FAF1: variants seen among roughly 807,000 people sequenced by gnomAD.
The protein encoded by FAF1 is Fas associated factor 1, also known as FAS-associated factor 1.
FAF1 carries 25 observed loss-of-function variants against 92.5 expected under a neutral mutation model. That is an observed-to-expected ratio of 0.27 (90% CI 0.20 to 0.38). The LOEUF (loss-of-function observed/expected upper bound fraction) is 0.38, where lower values mean the gene tolerates loss of function less well. FAF1 is among the 10% of genes least tolerant of loss of function. The pLI, the probability that FAF1 is intolerant of heterozygous loss-of-function variation, is 1.00. For missense variants in FAF1, 636 were observed against 793.3 expected (o/e 0.80, Z 2.38); for synonymous variants, 234 against 273.2 (o/e 0.86, Z 1.42).
intron 15 of FAF1, among the ~76,000 whole-genome samples, chr1:50,526,427 C>A (rs1383608662): frequency 6.6e-6 from 1 of 151,396 alleles, no homozygotes; most frequent in African/African-American, 2.4e-5. Flanking sequence ...GAGACCCCAT[C>A]TCTATTAAAA....
chr1:50,676,219 C>T (rs2124353078), intron 7 of FAF1, among the ~76,000 whole-genome samples: 1 of 151,956 alleles, frequency 6.6e-6, no homozygotes, highest in Middle Eastern at 3.4e-3. Context: ...CCAGCTTGGA[C>T]AACCTGGTGA....
chr1:50,499,431 A>G (rs1572787875), intron 15 of FAF1, among the ~76,000 whole-genome samples: 1 of 132,108 alleles, frequency 7.6e-6, no homozygotes. Flanking sequence ...CTCGATTCCT[A>G]TTTTACTGGA....
intron 1 of FAF1, among the ~76,000 whole-genome samples, chr1:50,872,064 C>CAAA (rs200142842): frequency 6.1e-5 from 4 of 65,526 alleles, no homozygotes; most frequent in African/African-American, 1.6e-4. Flanking sequence ...GACTCCATCT[C>CAAA]AAAAAAAAAA....
At chr1:50,756,295 G>A (rs892646674) in intron 4 of FAF1, among the ~76,000 whole-genome samples, 1 of 149,602 alleles carries the variant, frequency 6.7e-6, no homozygotes, top group Non-Finnish European at 1.5e-5. Context: ...CAAATCTCTA[G>A]GGCAGAGGCA....
chr1:50,457,243 G>A (rs915011992), intron 18 of FAF1, among the ~76,000 whole-genome samples: 3 of 152,042 alleles, frequency 2.0e-5, no homozygotes, highest in Non-Finnish European at 4.4e-5. Context: ...AAACCTGAAG[G>A]CTTGAGGTCC....
chr1:50,895,570 AAACAAAT>A (rs1230639046), intron 1 of FAF1, among the ~76,000 whole-genome samples: 1 of 152,078 alleles, frequency 6.6e-6, no homozygotes, highest in Non-Finnish European at 1.5e-5. Context: ...CAAAAAACAA[AAACAAAT>A]AACAAACAAA....
rs375003896 is a variant in FAF1 at position 50,655,469 on chromosome 1, G to C, written c.717C>G (p.Gly239=). 7 of 1,613,512 alleles carry C rather than the reference G, an allele frequency of 4.3e-6. No individual in the cohort carries two copies. The African/African-American group carries it at 5.3e-5, about 12-fold the overall frequency. Residue 239 remains glycine (G), a synonymous_variant, in exon 8 of 19, where the codon GGC becomes GGG. Transcript: ENST00000396153. ...AGTCGTCTGTAGCAGAAGTTGGCCA[G>C]CCCTCCCATAATTGGTGGCGAACGG... ...SIPVRHQLWE[G]WPTSATDDSM...
At chr1:50,786,549 T>C (rs1338512549) in intron 4 of FAF1, among the ~76,000 whole-genome samples, 1 of 152,216 alleles carries the variant, frequency 6.6e-6, no homozygotes, top group Non-Finnish European at 1.5e-5. Context: ...CTTAGAAATA[T>C]ATTGACAGGC....
intron 8 of FAF1, among the ~76,000 whole-genome samples, chr1:50,644,128 C>G (rs1290265553): frequency 6.6e-6 from 1 of 152,092 alleles, no homozygotes; most frequent in African/African-American, 2.4e-5. Context: ...TAATTGGATG[C>G]TGGACTTTGT....
chr1:50,666,693 G>A, intron 7 of FAF1, among the ~76,000 whole-genome samples: 1 of 152,118 alleles, frequency 6.6e-6, no homozygotes, highest in East Asian at 1.9e-4. Flanking sequence ...GACCAGCCTG[G>A]CCAACATGGT....
At chr1:50,465,118 C>G (rs940548252) in intron 18 of FAF1, among the ~76,000 whole-genome samples, 1 of 152,328 alleles carries the variant, frequency 6.6e-6, no homozygotes, top group East Asian at 1.9e-4. Context: ...AGAATCACTA[C>G]CGTCACATTT....
At chr1:50,596,375 A>G (rs1651816465) in intron 8 of FAF1, among the ~76,000 whole-genome samples, 159 bp from the exon 9 acceptor site, 1 of 152,124 alleles carries the variant, frequency 6.6e-6, no homozygotes, top group Non-Finnish European at 1.5e-5. Context: ...GAAAATTTGA[A>G]ATTTTTCCAC....
At chr1:50,650,450 T>C (rs1471400062) in intron 8 of FAF1, among the ~76,000 whole-genome samples, 1 of 151,128 alleles carries the variant, frequency 6.6e-6, no homozygotes, top group Non-Finnish European at 1.5e-5. Context: ...CGAAACCCTG[T>C]CTCTACTAAA....
intron 7 of FAF1, among the ~76,000 whole-genome samples, chr1:50,702,839 A>T (rs1470258985): frequency 6.6e-6 from 1 of 152,096 alleles, no homozygotes; most frequent in African/African-American, 2.4e-5. Flanking sequence ...TTCAAACTGC[A>T]TTTTAGTTCT....
intron 4 of FAF1, among the ~76,000 whole-genome samples, chr1:50,775,253 T>G (rs928642857): frequency 2.0e-5 from 3 of 152,118 alleles, no homozygotes; most frequent in African/African-American, 7.2e-5. Context: ...ATATACTCAT[T>G]TATTGAGCCA....
intron 3 of FAF1, among the ~76,000 whole-genome samples, chr1:50,799,235 T>C (rs1262007468): frequency 6.6e-6 from 1 of 152,268 alleles, no homozygotes; most frequent in African/African-American, 2.4e-5. Flanking sequence ...TACCTGCTTC[T>C]ATGCTTGTGA....
chr1:50,535,815 A>AT (rs1648450646), intron 14 of FAF1, among the ~76,000 whole-genome samples: 1 of 152,232 alleles, frequency 6.6e-6, no homozygotes, highest in African/African-American at 2.4e-5. Flanking sequence ...AATTGTTTAT[A>AT]TATCACTGAT....
intron 7 of FAF1, among the ~76,000 whole-genome samples, chr1:50,690,600 AAAAC>A (rs935994896): frequency 6.6e-5 from 10 of 152,258 alleles, no homozygotes; most frequent in African/African-American, 2.2e-4. Flanking sequence ...GACTGTCTCA[AAAAC>A]AAACAAACAA....
At chr1:50,862,369 G>C (rs1300707866) in intron 1 of FAF1, among the ~76,000 whole-genome samples, 1 of 151,828 alleles carries the variant, frequency 6.6e-6, no homozygotes, top group East Asian at 1.9e-4. Context: ...GAGGAATAAA[G>C]TGTCAAAAAT....
Sources: gnomAD v4.1 joint callset for allele counts (sites outside exome capture counted in the v4.1 genomes callset) on GRCh38, gnomAD v4.1.1 for gene constraint, MANE v1.5 for transcripts, NCBI Gene and HGNC (gene_info 2026-07-23, HGNC 2026-07-21) for gene names.